CD247: variants seen among roughly 807,000 people sequenced by gnomAD.
The protein encoded by CD247 is CD247 molecule.
In CD247, 13 loss-of-function variants were observed where a neutral mutation model predicts 30.0. That is an observed-to-expected ratio of 0.43 (90% CI 0.28 to 0.69). The LOEUF is 0.69. Among genes scored for constraint, CD247 ranks in the 30% least tolerant of loss-of-function variants. The probability of loss-of-function intolerance (pLI) is 0.16; values close to 1 mark genes in which losing one functional copy is unlikely to be tolerated. For synonymous variants in CD247, 72 were observed against 80.0 expected, an observed-to-expected ratio of 0.90 and a Z score of 0.53; for missense variants, 193 against 212.6, an observed-to-expected ratio of 0.91 and a Z score of 0.57.
chr1:167,455,648 G>C (rs1469821325), intron 1 of CD247, among the ~76,000 whole-genome samples: 1 of 152,208 alleles, frequency 6.6e-6, no homozygotes, highest in Non-Finnish European at 1.5e-5. Context: ...TCTCCCATCT[G>C]AGCTGCTCAC....
At chr1:167,437,558 C>G (rs1200291444) in intron 4 of CD247, among the ~76,000 whole-genome samples, 1 of 152,148 alleles carries the variant, frequency 6.6e-6, no homozygotes, top group Non-Finnish European at 1.5e-5. Flanking sequence ...TTCTGTTATT[C>G]ACTCTAACAT....
At chr1:167,451,327 A>G (rs1652344809) in intron 1 of CD247, among the ~76,000 whole-genome samples, 2 of 152,238 alleles carry the variant, frequency 1.3e-5, no homozygotes, top group Non-Finnish European at 2.9e-5. Flanking sequence ...CAAAGAAAAA[A>G]TTAAAGCCAA....
rs1209829500 is a variant in CD247 at position 167,473,546 on chromosome 1, A to G, written c.59-32779T>C. 2.6e-5 allele frequency among the ~76,000 whole-genome samples: 4 copies of G among 152,274 alleles called. No homozygotes were observed. The South Asian group carries it at 8.3e-4, about 32-fold the overall frequency. ...CGCTGTTATTATTCCCATTAGAAAA[A>G]AAAATGGGAAGGAACAGCCCAGACC... On this transcript the variant is annotated intron_variant, in intron 1 of 7. Transcript: ENST00000362089.
chr1:167,518,529 T>C lies in CD247; in HGVS notation c.-64A>G. On this transcript the variant is annotated 5_prime_UTR_variant, in exon 1 of 8. Transcript: ENST00000362089. ...CTGAGGCAGCGGTGGCCGGGACGGT[T>C]AGGAGAAAAGGAGTCTCTGCTGGTT... 1 of 1,453,476 alleles carries C rather than the reference T, an allele frequency of 6.9e-7. No individual in the cohort carries two copies. The highest frequency in any genetic ancestry group is 9.6e-7 in the Non-Finnish European group (1 of 1,037,758). The allele number at this position is 1,453,476 out of a possible 1,614,324, so 90.0% of individuals were successfully genotyped here. A position where few individuals can be genotyped will look rare whatever the true frequency, so the allele number is the denominator to read the frequency against.
chr1:167,487,594 C>T (rs952740340), intron 1 of CD247, among the ~76,000 whole-genome samples: 5 of 152,142 alleles, frequency 3.3e-5, no homozygotes, highest in South Asian at 2.1e-4. Context: ...AAGTAGGCTC[C>T]GATCTCAGTC....
chr1:167,513,230 A>C (rs1655468611), intron 1 of CD247, among the ~76,000 whole-genome samples: 1 of 152,194 alleles, frequency 6.6e-6, no homozygotes, highest in African/African-American at 2.4e-5. Context: ...AAATATTAAG[A>C]AAAAAAGCAC....
chr1:167,464,270 G>T (rs1653144572), intron 1 of CD247, among the ~76,000 whole-genome samples: 1 of 152,192 alleles, frequency 6.6e-6, no homozygotes, highest in Non-Finnish European at 1.5e-5. Flanking sequence ...CCTTGGGATT[G>T]CAGTGGAGTC....
chr1:167,474,855 C>T (rs1242099575), intron 1 of CD247, among the ~76,000 whole-genome samples: 2 of 149,704 alleles, frequency 1.3e-5, no homozygotes, highest in African/African-American at 2.5e-5. Context: ...CGAGTTCAAG[C>T]GATTCTCCTG....
At chr1:167,510,862 C>G (rs774551259) in intron 1 of CD247, among the ~76,000 whole-genome samples, 65 of 152,218 alleles carry the variant, frequency 4.3e-4, no homozygotes, top group Non-Finnish European at 8.5e-4. Context: ...CAGCCCATCA[C>G]AGACATCCTG....
chr1:167,459,256 G>A (rs146260787), intron 1 of CD247, among the ~76,000 whole-genome samples: 1,643 of 151,002 alleles, frequency 0.011, 25 homozygotes, highest in African/African-American at 0.038. Flanking sequence ...TTCAGGTGAA[G>A]TACCTCTAAA....
intron 1 of CD247, among the ~76,000 whole-genome samples, chr1:167,508,422 G>A (rs763268516): frequency 4.6e-5 from 7 of 152,174 alleles, no homozygotes; most frequent in Non-Finnish European, 8.8e-5. Context: ...ATGGGTGAGC[G>A]ATGGTGGATA....
At chr1:167,505,167 G>A (rs1655064579) in intron 1 of CD247, among the ~76,000 whole-genome samples, 1 of 151,898 alleles carries the variant, frequency 6.6e-6, no homozygotes, top group Admixed American at 6.6e-5. Context: ...GTCTTGCTCT[G>A]TCTCCCAGCC....
At chr1:167,440,410 G>A (rs1217192731) in intron 2 of CD247, 2 of 556,072 alleles carry the variant, frequency 3.6e-6, no homozygotes, top group East Asian at 6.3e-5. Context: ...ACACTCTGAT[G>A]TGCACACATT....
Position 167,487,410 on chromosome 1 carries a change from C to A in CD247, c.58+30998G>T, listed in dbSNP as rs188132843. Among the ~76,000 whole-genome samples, 43 of 152,264 alleles carry A rather than the reference C, an allele frequency of 2.8e-4. No homozygotes were observed. The East Asian group carries it at 7.9e-3, about 28-fold the overall frequency. On this transcript the variant is annotated intron_variant, in intron 1 of 7. Coordinates refer to ENST00000362089, the MANE Select transcript of CD247 (RefSeq NM_198053.3). Reference sequence around the variant, plus strand: ...AAAGAAAAAACGAAGAAAGAAAAGGCAGCTCCATGGCAGGCAGGTTCAGGC... The same window carrying A: ...AAAGAAAAAACGAAGAAAGAAAAGGAAGCTCCATGGCAGGCAGGTTCAGGC...
At chr1:167,463,087 A>G (rs1653094431) in intron 1 of CD247, among the ~76,000 whole-genome samples, 1 of 152,124 alleles carries the variant, frequency 6.6e-6, no homozygotes, top group Non-Finnish European at 1.5e-5. Flanking sequence ...TCGCCGGGCC[A>G]TCCCAGGAAC....
chr1:167,502,992 G>C (rs542910351), intron 1 of CD247, among the ~76,000 whole-genome samples: 1 of 152,184 alleles, frequency 6.6e-6, no homozygotes, highest in African/African-American at 2.4e-5. Flanking sequence ...GTGGCACTTT[G>C]TTAAGGCAGC....
chr1:167,469,232 C>A lies in CD247; in HGVS notation c.59-28465G>T, dbSNP rs529422492. On this transcript the variant is annotated intron_variant, in intron 1 of 7. Transcript: ENST00000362089. ...TCCTGACCTCAAGTGATCTGCCCCC[C>A]CTCAGCCTCCCAAAAAGTGCAGCCT... Among the ~76,000 whole-genome samples, 376 of 152,270 alleles carry A rather than the reference C, an allele frequency of 2.5e-3. 2 individuals are homozygous for A. The highest frequency in any genetic ancestry group is 3.7e-3 in the Non-Finnish European group (249 of 68,008).
intron 1 of CD247, among the ~76,000 whole-genome samples, chr1:167,514,862 C>T (rs1655535251): frequency 6.6e-6 from 1 of 152,124 alleles, no homozygotes; most frequent in African/African-American, 2.4e-5. Flanking sequence ...CAACTGGACC[C>T]TTCTAAGTAA....
rs141311722 is a variant in CD247, at chr1:167,439,307, C to T, written c.219+37G>A. ...CCCTAGGTCCGAGGAGGAGGCTGCC[C>T]TTCCTTTCCGGAGGGTCTACGGCGA... On this transcript the variant is annotated intron_variant, in intron 3 of 7. Transcript: ENST00000362089. 275 of 1,601,932 alleles carry T rather than the reference C, an allele frequency of 1.7e-4. No homozygotes were observed. The African/African-American group carries it at 3.4e-3, about 20-fold the overall frequency.
Sources: allele counts gnomAD v4.1 joint callset (sites outside exome capture counted in the v4.1 genomes callset), GRCh38; gene constraint gnomAD v4.1.1; transcripts MANE v1.5; gene names NCBI Gene and HGNC (gene_info 2026-07-23, HGNC 2026-07-21).